The following WWOX variants were observed in gnomAD, a reference collection of about 807,000 sequenced individuals.
The protein encoded by WWOX is WW domain-containing oxidoreductase.
A neutral mutation model predicts 46.2 loss-of-function variants in WWOX; 69 were observed. The observed-to-expected ratio is 1.49, with a 90% CI of 1.23 to 1.82. The LOEUF (loss-of-function observed/expected upper bound fraction) is 1.82, where lower values mean the gene tolerates loss of function less well. WWOX is among the 40% of genes most tolerant of loss of function. The pLI is 0.00. For missense variants in WWOX, 919 were observed against 542.6 expected, an observed-to-expected ratio of 1.69 and a Z score of -6.89; for synonymous variants, 359 against 202.6, an observed-to-expected ratio of 1.77 and a Z score of -6.56.
intron 5 of WWOX, among the ~76,000 whole-genome samples, chr16:78,329,017 A>T (rs1465483529): frequency 6.6e-6 from 1 of 151,790 alleles, no homozygotes; most frequent in Admixed American, 6.6e-5. Context: ...TCCCATCACC[A>T]TGACAGGCTG....
At chr16:78,670,422 G>A (rs16948286) in intron 8 of WWOX, among the ~76,000 whole-genome samples, 25,418 of 152,126 alleles carry the variant, frequency 0.17, 3,096 homozygotes, top group African/African-American at 0.34. Context: ...CTGCATTGGT[G>A]TGTTACGTTA....
At chr16:78,682,804 C>G (rs1360480992) in intron 8 of WWOX, among the ~76,000 whole-genome samples, 1 of 152,190 alleles carries the variant, frequency 6.6e-6, no homozygotes, top group Non-Finnish European at 1.5e-5. Context: ...ATTCATTTGT[C>G]CACAGCATGG....
chr16:78,687,868 T>A (rs927140633), intron 8 of WWOX, among the ~76,000 whole-genome samples: 2 of 152,132 alleles, frequency 1.3e-5, no homozygotes, highest in Admixed American at 1.3e-4. Context: ...TAGAACAGAT[T>A]AAAAATTAGC....
At chr16:78,438,974 C>G (rs981620047) in intron 8 of WWOX, among the ~76,000 whole-genome samples, 1 of 152,074 alleles carries the variant, frequency 6.6e-6, no homozygotes, top group Non-Finnish European at 1.5e-5. Context: ...CAATTTAAAA[C>G]GTAATGAAGG....
intron 8 of WWOX, among the ~76,000 whole-genome samples, chr16:79,038,446 C>T (rs1253735589): frequency 6.6e-6 from 1 of 151,716 alleles, no homozygotes; most frequent in African/African-American, 2.4e-5. Flanking sequence ...TAGACATGCA[C>T]AGAAAAAAAA....
intron 6 of WWOX, among the ~76,000 whole-genome samples, chr16:78,402,549 C>T (rs2082438324): frequency 6.6e-6 from 1 of 152,070 alleles, no homozygotes; most frequent in South Asian, 2.1e-4. Flanking sequence ...AGCACTTCCC[C>T]CAAGCTCAAC....
At chr16:78,708,066 T>G (rs1049876714) in intron 8 of WWOX, among the ~76,000 whole-genome samples, 1 of 151,764 alleles carries the variant, frequency 6.6e-6, no homozygotes, top group Non-Finnish European at 1.5e-5. Flanking sequence ...TGGCTCACAC[T>G]TATAATCCCA....
intron 5 of WWOX, among the ~76,000 whole-genome samples, chr16:78,384,824 T>C (rs1435223929): frequency 2.6e-5 from 4 of 152,156 alleles, no homozygotes; most frequent in Non-Finnish European, 5.9e-5. Flanking sequence ...TTCATCACTT[T>C]CTACCACCTT....
At chr16:78,501,193 C>CTTTTTTTTT (rs1218791135) in intron 8 of WWOX, among the ~76,000 whole-genome samples, 32 of 90,922 alleles carry the variant, frequency 3.5e-4, no homozygotes, top group South Asian at 8.8e-4. Flanking sequence ...CTTTCTTTCT[C>CTTTTTTTTT]TTTTTTTTTT....
At chr16:78,882,782 C>G (rs1365446732) in intron 8 of WWOX, among the ~76,000 whole-genome samples, 1 of 151,568 alleles carries the variant, frequency 6.6e-6, no homozygotes, top group East Asian at 1.9e-4. Flanking sequence ...AGCCACCGCA[C>G]CCGGTTATAC....
chr16:78,671,027 G>T (rs910542157), intron 8 of WWOX, among the ~76,000 whole-genome samples: 6 of 152,060 alleles, frequency 3.9e-5, no homozygotes, highest in African/African-American at 1.5e-4. Flanking sequence ...ACCAGAAGCT[G>T]GAACAGAGCC....
intron 8 of WWOX, among the ~76,000 whole-genome samples, chr16:78,585,582 G>A (rs572879436): frequency 6.6e-6 from 1 of 152,042 alleles, no homozygotes; most frequent in Non-Finnish European, 1.5e-5. Context: ...GGCTCCACCA[G>A]GACCTCTTGA....
chr16:78,413,641 C>G (rs570655827), intron 6 of WWOX, among the ~76,000 whole-genome samples: 146 of 151,900 alleles, frequency 9.6e-4, no homozygotes, highest in African/African-American at 3.4e-3. Flanking sequence ...TTCAGGCCAT[C>G]TGGATGCATA....
chr16:78,944,761 C>T (rs2045917989), intron 8 of WWOX, among the ~76,000 whole-genome samples: 1 of 152,124 alleles, frequency 6.6e-6, no homozygotes, highest in Non-Finnish European at 1.5e-5. Flanking sequence ...GATCCTTAGC[C>T]CATCTAAGTA....
rs568956325 is a variant in WWOX at position 78,882,074 on chromosome 16, C to A, written c.1057-329534C>A. Among the ~76,000 whole-genome samples the A allele has an allele frequency of 7.3e-5, 11 of 151,500 alleles. No homozygotes were observed. In the East Asian group the frequency reaches 1.6e-3, roughly 22 times the overall value. ...CCGGGAGACGGAGGTTGCAGCGAGC[C>A]GAGATCACACCACTACATTCCAGCC... On this transcript the variant is annotated intron_variant, in intron 8 of 8. Transcript: ENST00000566780.
chr16:79,188,676 T>C (rs767120456), intron 8 of WWOX, among the ~76,000 whole-genome samples: 1 of 152,232 alleles, frequency 6.6e-6, no homozygotes, highest in African/African-American at 2.4e-5. Context: ...ATGTGCTGGG[T>C]TGGGTCCTCC....
intron 8 of WWOX, among the ~76,000 whole-genome samples, chr16:79,197,738 T>G (rs2051268073): frequency 6.6e-6 from 1 of 152,138 alleles, no homozygotes; most frequent in Non-Finnish European, 1.5e-5. Context: ...TGCTACGGAT[T>G]GTGGTGAAAA....
At chr16:78,705,990 A>G (rs1476014070) in intron 8 of WWOX, among the ~76,000 whole-genome samples, 3 of 147,844 alleles carry the variant, frequency 2.0e-5, no homozygotes, top group Non-Finnish European at 4.5e-5. Flanking sequence ...TGACTCAGAT[A>G]GGTGTGTATT....
intron 5 of WWOX, chr16:78,278,586 T>C (rs2079619843): frequency 1.2e-6 from 2 of 1,603,662 alleles, no homozygotes; most frequent in Non-Finnish European, 1.7e-6. Flanking sequence ...CAACTGTCTT[T>C]TGTTTGTATC....
Sources: gnomAD v4.1 joint callset for allele counts (sites outside exome capture counted in the v4.1 genomes callset) on GRCh38, gnomAD v4.1.1 for gene constraint, MANE v1.5 for transcripts, NCBI Gene and HGNC (gene_info 2026-07-23, HGNC 2026-07-21) for gene names.